The following RNF216 variants were observed in gnomAD, a reference collection of about 807,000 sequenced individuals.
The protein encoded by RNF216 is E3 ubiquitin-protein ligase RNF216.
In RNF216, 72 loss-of-function variants were observed where a neutral mutation model predicts 110.8. The observed-to-expected ratio is 0.65, with a 90% CI of 0.54 to 0.79. The LOEUF is 0.79. Ranked by LOEUF, RNF216 falls within the 30% of genes least tolerant of loss-of-function variation. The pLI, the probability that RNF216 is intolerant of heterozygous loss-of-function variation, is 0.00. For missense variants in RNF216, 1,342 were observed against 1,141.2 expected (o/e 1.18, Z -2.54); for synonymous variants, 495 against 407.5 (o/e 1.21, Z -2.59).
chr7:5,738,427 G>A (rs1794560666), intron 5 of RNF216, among the ~76,000 whole-genome samples: 1 of 152,028 alleles, frequency 6.6e-6, no homozygotes, highest in African/African-American at 2.4e-5. Flanking sequence ...TAAGAAATAT[G>A]GCTGGGAGCG....
chr7:5,673,367 G>A (rs1790052133), intron 13 of RNF216, among the ~76,000 whole-genome samples: 1 of 152,240 alleles, frequency 6.6e-6, no homozygotes, highest in Non-Finnish European at 1.5e-5. Flanking sequence ...AGATAGCTCT[G>A]TGGGAGAAAG....
intron 4 of RNF216, among the ~76,000 whole-genome samples, chr7:5,740,129 T>C (rs1794674854): frequency 5.8e-5 from 1 of 17,136 alleles, no homozygotes; most frequent in Non-Finnish European, 1.6e-4. Flanking sequence ...TTTTTTTTTT[T>C]TTTTTTTTTT....
At chr7:5,711,387 G>A (rs1376330245) in intron 13 of RNF216, among the ~76,000 whole-genome samples, 3 of 152,158 alleles carry the variant, frequency 2.0e-5, no homozygotes, top group Admixed American at 2.0e-4. Flanking sequence ...ATGGCAAAAG[G>A]TGTGTGTGTG....
chr7:5,679,204 G>A (rs1790498655), intron 13 of RNF216, among the ~76,000 whole-genome samples: 2 of 152,004 alleles, frequency 1.3e-5, no homozygotes. Flanking sequence ...TGGTGGTGGT[G>A]CGGTGGCGGG....
chr7:5,644,371 T>A (rs958884174), intron 14 of RNF216, among the ~76,000 whole-genome samples: 3 of 152,226 alleles, frequency 2.0e-5, no homozygotes, highest in Admixed American at 6.5e-5. Flanking sequence ...ATTATAGTCA[T>A]CCTAATAGGT....
At chr7:5,695,828 G>C (rs1381713566) in intron 13 of RNF216, among the ~76,000 whole-genome samples, 3 of 152,238 alleles carry the variant, frequency 2.0e-5, no homozygotes, top group Non-Finnish European at 4.4e-5. Flanking sequence ...TTTATGAACA[G>C]TGTCAAGCCC....
chr7:5,762,483 C>G (rs7805039), intron 1 of RNF216, among the ~76,000 whole-genome samples: 9,514 of 151,508 alleles, frequency 0.063, 992 homozygotes, highest in African/African-American at 0.22. Context: ...CGGTGAAACC[C>G]CATCTCTACT....
chr7:5,646,810 C>G (rs1306945103), intron 14 of RNF216, among the ~76,000 whole-genome samples: 2 of 151,914 alleles, frequency 1.3e-5, no homozygotes, highest in Admixed American at 1.3e-4. Context: ...ATGAAAGAAC[C>G]AATCCTCCCA....
intron 14 of RNF216, among the ~76,000 whole-genome samples, chr7:5,651,044 C>A (rs914389577): frequency 4.6e-5 from 7 of 152,134 alleles, no homozygotes; most frequent in African/African-American, 1.7e-4. Flanking sequence ...GCGATACGAG[C>A]GGAAGTGAGA....
At chr7:5,770,274 C>T (rs1242228145) in intron 1 of RNF216, among the ~76,000 whole-genome samples, 1 of 151,692 alleles carries the variant, frequency 6.6e-6, no homozygotes, top group African/African-American at 2.4e-5. Flanking sequence ...CCAGCCTGAC[C>T]AACATGGAGA....
chr7:5,717,890 C>T (rs1793163856), intron 9 of RNF216, among the ~76,000 whole-genome samples: 1 of 152,130 alleles, frequency 6.6e-6, no homozygotes, highest in Non-Finnish European at 1.5e-5. Context: ...TCAAGAGATC[C>T]TCCCACCTCA....
In RNF216 at chr7:5,622,967, G is replaced by C. The variant is rs1786473352; in HGVS notation, c.2665C>G (p.Pro889Ala). ...TTGACCCGCACGTTGGGCAGAGGGG[G>C]CACGTACGGGGCTGGGATAGGCCCC... ...NMGPIPAPYV[P>A]PLPNVRVNYD... is the part of the protein sequence containing the mutation. The change falls in exon 17 of 17, where the codon CCC (proline) becomes GCC (alanine). Residue 889 changes from proline (P) to alanine (A), a missense_variant. Transcript: ENST00000389902. 1 of 1,614,100 alleles carries C rather than the reference G, an allele frequency of 6.2e-7. No individual in the cohort carries two copies. The highest frequency in any genetic ancestry group is 8.5e-7 in the Non-Finnish European group (1 of 1,180,018).
intron 13 of RNF216, among the ~76,000 whole-genome samples, chr7:5,662,929 C>T (rs1046857045): frequency 9.2e-5 from 14 of 152,068 alleles, no homozygotes; most frequent in Admixed American, 2.0e-4. Flanking sequence ...GGACAGTAGA[C>T]GGAGCTGGGA....
At chr7:5,700,963 C>G (rs1267586985) in intron 13 of RNF216, among the ~76,000 whole-genome samples, 1 of 152,078 alleles carries the variant, frequency 6.6e-6, no homozygotes, top group Non-Finnish European at 1.5e-5. Flanking sequence ...GTTTCTAGGC[C>G]CCTCCTGTAC....
At chr7:5,725,706 C>T (rs1489920653) in intron 7 of RNF216, among the ~76,000 whole-genome samples, 5 of 152,082 alleles carry the variant, frequency 3.3e-5, no homozygotes, top group South Asian at 2.1e-4. Context: ...AAAAATTAGC[C>T]GGGCATGGTG....
rs77269952 is a variant in RNF216 at position 5,767,585 on chromosome 7, A to G, written c.-69-6447T>C. On this transcript the variant is annotated intron_variant, in intron 1 of 16. Transcript: ENST00000389902. ...GAGCTGAGCAGAAATCTCAGCAAAC[A>G]TGTATTGTTGAGAGGGATTTTTTTT... 1.8e-3 allele frequency among the ~76,000 whole-genome samples: 277 copies of G among 150,068 alleles called. 3 individuals carry two copies. The highest frequency in any genetic ancestry group is 0.01 in the Middle Eastern group (3 of 294).
At chr7:5,771,425 T>G (rs1020832881) in intron 1 of RNF216, among the ~76,000 whole-genome samples, 6 of 152,150 alleles carry the variant, frequency 3.9e-5, no homozygotes, top group Non-Finnish European at 8.8e-5. Context: ...TAAGCATGTC[T>G]ACTCACCAAA....
intron 1 of RNF216, among the ~76,000 whole-genome samples, chr7:5,775,758 A>C (rs1016570875): frequency 1.1e-4 from 16 of 151,998 alleles, no homozygotes; most frequent in African/African-American, 3.6e-4. Context: ...AGTCCCAGCT[A>C]CTCGGGAGGC....
chr7:5,632,755 C>A (rs537151955), intron 15 of RNF216, among the ~76,000 whole-genome samples: 1 of 152,008 alleles, frequency 6.6e-6, no homozygotes, highest in Non-Finnish European at 1.5e-5. Context: ...CCAGCCTGGG[C>A]GACAAGAGCA....
Sources: gnomAD v4.1 joint callset for allele counts (sites outside exome capture counted in the v4.1 genomes callset) on GRCh38, gnomAD v4.1.1 for gene constraint, MANE v1.5 for transcripts, NCBI Gene and HGNC (gene_info 2026-07-23, HGNC 2026-07-21) for gene names.